The following OGDH variants were observed in gnomAD, a reference collection of about 807,000 sequenced individuals.
The protein encoded by OGDH is 2-oxoglutarate dehydrogenase complex component E1.
A neutral mutation model predicts 116.6 loss-of-function variants in OGDH; 38 were observed. The ratio of observed to expected loss-of-function variants is 0.33; its 90% CI spans 0.25 to 0.43. OGDH has a LOEUF of 0.43. Among genes scored for constraint, OGDH ranks in the 20% least tolerant of loss-of-function variants. The probability of loss-of-function intolerance (pLI) is 1.00; values close to 1 mark genes in which losing one functional copy is unlikely to be tolerated. For missense variants in OGDH, 825 were observed against 1,357.2 expected, an observed-to-expected ratio of 0.61 and a Z score of 6.16; for synonymous variants, 488 against 533.3, an observed-to-expected ratio of 0.92 and a Z score of 1.17.
At chr7:44,675,877 C>CAA (rs372547546) in intron 8 of OGDH, 93 bp from the exon 9 acceptor site, 4,493 of 1,121,672 alleles carry the variant, frequency 4.0e-3, no homozygotes, top group Non-Finnish European at 4.6e-3. Flanking sequence ...AACTCCATCT[C>CAA]AAAAAAAAAA....
At position 44,661,879 on chromosome 7, in the gene OGDH, G is replaced by A. The variant is rs562488170; in HGVS notation, c.518-4857G>A. 2.6e-4 allele frequency among the ~76,000 whole-genome samples: 39 copies of A among 152,268 alleles called. 1 individual carries two copies. The South Asian group carries it at 5.6e-3, about 22-fold the overall frequency. ...CTCCCAAAGTGCTGGGATTACAGGC[G>A]TGAGCCACCACGCCTGGCGTGTTTT... On this transcript the variant is annotated intron_variant, in intron 4 of 22. Transcript: ENST00000222673.
At chr7:44,704,996 G>GCAC (rs1234206826) in intron 20 of OGDH, among the ~76,000 whole-genome samples, 1 of 146,380 alleles carries the variant, frequency 6.8e-6, no homozygotes, top group African/African-American at 2.6e-5. Flanking sequence ...CAGGCGTGAG[G>GCAC]CACTGCACCT....
intron 2 of OGDH, among the ~76,000 whole-genome samples, chr7:44,641,303 G>A (rs1272485791): frequency 7.2e-6 from 1 of 139,072 alleles, no homozygotes; most frequent in Non-Finnish European, 1.5e-5. Context: ...TCAGCTCACT[G>A]CAACCTCTGC....
chr7:44,674,662 C>A, intron 7 of OGDH, 105 bp downstream of exon 7: 1 of 1,288,068 alleles, frequency 7.8e-7, no homozygotes, highest in Non-Finnish European at 1.1e-6. Context: ...TCCTTGAGTG[C>A]CAGTTGTGAG....
Position 44,645,374 on chromosome 7 carries a change from C to T in OGDH, c.270C>T (p.Gly90=). Residue 90 remains glycine (G), a synonymous_variant, in exon 3 of 23, where the codon GGC becomes GGT. Coordinates refer to ENST00000222673, the MANE Select transcript of OGDH (RefSeq NM_002541.4). ...FRNTNAGAPP[G]TAYQSPLPLS... Reference sequence around the variant, plus strand: ...ACACGAATGCCGGAGCCCCACCGGGCACTGCCTACCAGAGTCCCCTTCCCC... The same window carrying T: ...ACACGAATGCCGGAGCCCCACCGGGTACTGCCTACCAGAGTCCCCTTCCCC... 6.2e-7 allele frequency: 1 copy of T among 1,614,184 alleles called. No homozygotes were observed. The highest frequency in any genetic ancestry group is 8.5e-7 in the Non-Finnish European group (1 of 1,180,012).
At chr7:44,630,526 TTTGA>T (rs1245267828) in intron 2 of OGDH, among the ~76,000 whole-genome samples, 1 of 152,244 alleles carries the variant, frequency 6.6e-6, no homozygotes, top group Non-Finnish European at 1.5e-5. Flanking sequence ...ATCTTTTATG[TTTGA>T]TTTATGAATG....
rs760309646 is a variant in OGDH, at chr7:44,676,155, GCC to G, written c.1206+8_1206+9del. ...GCGACACTGAAGGGAAAAAGGTAAGGCCCAGAGAGAGGCGTGCAAGGCAGATC... is the reference window on the plus strand; with the variant it reads ...GCGACACTGAAGGGAAAAAGGTAAGGCAGAGAGAGGCGTGCAAGGCAGATC... On this transcript the variant is annotated splice_region_variant and intron_variant, in intron 9 of 22. Transcript: ENST00000222673. 1.2e-6 allele frequency: 2 copies of G among 1,614,136 alleles called. No homozygotes were observed. Among genetic ancestry groups the G allele is most frequent in the African/African-American group, 2.7e-5 (2 of 75,008 alleles).
chr7:44,624,630 C>A, intron 2 of OGDH, 65 bp downstream of exon 2: 1 of 1,419,366 alleles, frequency 7.0e-7, no homozygotes, highest in Non-Finnish European at 1.0e-6. Flanking sequence ...GACTGGTCAC[C>A]AGGTAAGTGT....
At position 44,697,315 on chromosome 7, in the gene OGDH, G is replaced by T; in HGVS notation, c.2052-55G>T. On this transcript the variant is annotated intron_variant, in intron 15 of 22. Transcript: ENST00000222673. This position sits in a 1 kb window ranked among gnomAD's most constrained non-coding sequence, Gnocchi z 6.0. Reference sequence around the variant, plus strand: ...CTGGTGCTTCGTGCGGGTCCCCAGCGTATTTGCTTGTCAAGTCAGAGCTCC... The same window carrying T: ...CTGGTGCTTCGTGCGGGTCCCCAGCTTATTTGCTTGTCAAGTCAGAGCTCC... The T allele has an allele frequency of 1.9e-6, 3 of 1,609,574 alleles. No homozygotes were observed. Among genetic ancestry groups the T allele is most frequent in the East Asian group, 4.5e-5 (2 of 44,766 alleles).
rs1788621468 is a variant in OGDH, at chr7:44,697,118, A to T, written c.2051+54A>T. On this transcript the variant is annotated intron_variant, in intron 15 of 22. Transcript: ENST00000222673. The surrounding 1 kb of genome is among the most constrained non-coding windows in gnomAD (Gnocchi z 6.0). The stretch of plus-strand genomic sequence containing the variant: ...TCCAAAGAGTAGAAGATGGAAAGGG[A>T]GGGGTTCTGGTGTTTCTTTTCCGGA... 1 of 1,587,312 alleles carries T rather than the reference A, an allele frequency of 6.3e-7. No homozygotes were observed. The highest frequency in any genetic ancestry group is 1.1e-5 in the South Asian group (1 of 89,250).
chr7:44,617,073 G>A (rs762517936), intron 1 of OGDH, among the ~76,000 whole-genome samples: 12 of 150,210 alleles, frequency 8.0e-5, no homozygotes, highest in Non-Finnish European at 1.3e-4. Context: ...CTGGACTACA[G>A]GCACCCGCCA....
chr7:44,627,550 G>T (rs923105782), intron 2 of OGDH, among the ~76,000 whole-genome samples: 26 of 152,286 alleles, frequency 1.7e-4, no homozygotes, highest in African/African-American at 6.0e-4. Context: ...GTCGGATTCC[G>T]TACTTATTTT....
In OGDH at chr7:44,707,286, C is replaced by T. The variant is rs978667676; in HGVS notation, c.2694C>T (p.Val898=). The stretch of plus-strand genomic sequence containing the variant: ...CTGCAGCTCAGAACCCAGAAAATGT[C>T]AAAAGGCTTCTCTTCTGCACCGGCA... ...DGPAAQNPEN[V]KRLLFCTGKV... is the part of the protein sequence containing the mutation. The change falls in exon 21 of 23, where the codon GTC becomes GTT. Residue 898 remains valine (V), a synonymous_variant. Transcript: ENST00000222673. The surrounding 1 kb of genome is among the most constrained non-coding windows in gnomAD (Gnocchi z 5.2). The T allele has an allele frequency of 2.5e-6, 4 of 1,614,134 alleles. No individual in the cohort carries two copies. The highest frequency in any genetic ancestry group is 1.7e-6 in the Non-Finnish European group (2 of 1,180,056).
chr7:44,651,734 G>A (rs914624702), intron 4 of OGDH, among the ~76,000 whole-genome samples: 1 of 147,634 alleles, frequency 6.8e-6, no homozygotes, highest in Non-Finnish European at 1.5e-5. Context: ...GCTAATTTTT[G>A]TATTTTTAGT....
At position 44,640,899 on chromosome 7, in the gene OGDH, T is replaced by C. The variant is rs529521870; in HGVS notation, c.223-4428T>C. Among the ~76,000 whole-genome samples, 786 of 151,568 alleles carry C rather than the reference T, an allele frequency of 5.2e-3. 7 individuals are homozygous for C. Among genetic ancestry groups the C allele is most frequent in the African/African-American group, 0.017 (714 of 41,328 alleles). ...TTTTGATTAGGTTTTTTGTGGGTTT[T>C]TTTTTTTTTCTTTGAGACAGAGTCT... On this transcript the variant is annotated intron_variant, in intron 2 of 22. Transcript: ENST00000222673.
At chr7:44,613,302 A>G (rs1198540077) in intron 1 of OGDH, among the ~76,000 whole-genome samples, 1 of 151,862 alleles carries the variant, frequency 6.6e-6, no homozygotes, top group Non-Finnish European at 1.5e-5. Context: ...CGGCCTCCTG[A>G]GTAACTGGGA....
At chr7:44,692,537 A>G (rs1253937654) in intron 10 of OGDH, among the ~76,000 whole-genome samples, 2 of 152,206 alleles carry the variant, frequency 1.3e-5, no homozygotes, top group Admixed American at 6.5e-5. Context: ...TGACAGAAAC[A>G]TTTTGGTCCA....
rs373846462 is a variant in OGDH, at chr7:44,649,245, G to GTTTT, written c.517+1505_517+1508dup. Among the ~76,000 whole-genome samples the GTTTT allele has an allele frequency of 1.2e-3, 118 of 97,680 alleles. 1 individual carries two copies. Among genetic ancestry groups the GTTTT allele is most frequent in the East Asian group, 4.3e-3 (13 of 3,000 alleles). 64.1% of individuals were successfully genotyped at this position (97,680 alleles called of 152,430 possible). On this transcript the variant is annotated intron_variant, in intron 4 of 22. Transcript: ENST00000222673. The stretch of plus-strand genomic sequence containing the variant: ...AGCTGCGGAATGCTCATTTTCTGTT[G>GTTTT]TTTTTTTTTTTTTTTTTTTTTTGAG...
chr7:44,633,635 A>G (rs879703674), intron 2 of OGDH, among the ~76,000 whole-genome samples: 3 of 152,132 alleles, frequency 2.0e-5, no homozygotes, highest in Non-Finnish European at 4.4e-5. Flanking sequence ...TGAGGTGAGG[A>G]GATAGCCTTT....
Sources: gnomAD v4.1 joint callset for allele counts (sites outside exome capture counted in the v4.1 genomes callset) on GRCh38, gnomAD v4.1.1 for gene constraint, Gnocchi (gnomAD v3.1) non-coding constraint, MANE v1.5 for transcripts, NCBI Gene and HGNC (gene_info 2026-07-23, HGNC 2026-07-21) for gene names.